KIAA1217: variants seen among roughly 807,000 people sequenced by gnomAD.
KIAA1217 encodes sickle tail protein homolog.
A neutral mutation model predicts 163.9 loss-of-function variants in KIAA1217; 88 were observed. That is an observed-to-expected ratio of 0.54 (90% CI 0.45 to 0.64). The LOEUF (loss-of-function observed/expected upper bound fraction) is 0.64, where lower values mean the gene tolerates loss of function less well. KIAA1217 is among the 30% of genes least tolerant of loss of function. The probability of loss-of-function intolerance (pLI) is 0.00; values close to 1 mark genes in which losing one functional copy is unlikely to be tolerated. For missense variants in KIAA1217, 2,372 were observed against 2,475.0 expected (o/e 0.96, Z 0.88); for synonymous variants, 903 against 923.1 (o/e 0.98, Z 0.39).
intron 1 of KIAA1217, among the ~76,000 whole-genome samples, chr10:23,950,754 T>C (rs1390212322): frequency 1.3e-5 from 2 of 152,140 alleles, no homozygotes; most frequent in Non-Finnish European, 2.9e-5. Flanking sequence ...GGTTTATCAC[T>C]ATCTGAAAAA....
chr10:23,740,758 G>A (rs991328652), intron 1 of KIAA1217, among the ~76,000 whole-genome samples: 1 of 151,460 alleles, frequency 6.6e-6, no homozygotes, highest in African/African-American at 2.4e-5. Flanking sequence ...TAGACCTAAA[G>A]GTTGTATGTA....
chr10:23,992,607 C>CTTTTT (rs368335847), intron 1 of KIAA1217, among the ~76,000 whole-genome samples: 1 of 127,930 alleles, frequency 7.8e-6, no homozygotes, highest in Non-Finnish European at 1.7e-5. Flanking sequence ...GCCATCATTT[C>CTTTTT]TTTTTTTTTT....
chr10:24,408,039 G>A (rs967126227), intron 3 of KIAA1217, among the ~76,000 whole-genome samples: 8 of 152,100 alleles, frequency 5.3e-5, no homozygotes, highest in Non-Finnish European at 7.4e-5. Flanking sequence ...GTGGTTAACA[G>A]CATAGACTCT....
rs1201128266 is a variant in KIAA1217, at chr10:24,524,681, C to A, written c.2815C>A (p.Pro939Thr). The A allele has an allele frequency of 1.2e-6, 2 of 1,614,100 alleles. No homozygotes were observed. Among genetic ancestry groups the A allele is most frequent in the Non-Finnish European group, 1.7e-6 (2 of 1,179,966 alleles). Residue 939 changes from proline (P) to threonine (T), a missense_variant, in exon 13 of 21, where the codon CCC (proline) becomes ACC (threonine). Coordinates refer to ENST00000376454, the MANE Select transcript of KIAA1217 (RefSeq NM_019590.5). The part of the protein sequence containing the change: ...MSQAPQSPQI[P>T]MNGSAMQSLF... Reference sequence around the variant, plus strand: ...GCAGGCTCCGCAGTCCCCACAGATACCCATGAATGGGTCTGCCATGCAGAG... The same window carrying A: ...GCAGGCTCCGCAGTCCCCACAGATAACCATGAATGGGTCTGCCATGCAGAG...
chr10:24,520,080 G>T, intron 10 of KIAA1217, 43 bp from the exon 11 acceptor site: 1 of 1,576,606 alleles, frequency 6.3e-7, no homozygotes, highest in Non-Finnish European at 8.6e-7. Context: ...CCTCTGTGAG[G>T]CCTCGTGTTC....
At chr10:23,801,678 T>G (rs1250229772) in intron 1 of KIAA1217, among the ~76,000 whole-genome samples, 1 of 152,198 alleles carries the variant, frequency 6.6e-6, no homozygotes, top group African/African-American at 2.4e-5. Flanking sequence ...TCTCGTTTAC[T>G]CTGCACAGAC....
intron 2 of KIAA1217, among the ~76,000 whole-genome samples, chr10:24,233,015 C>T (rs1159804382): frequency 6.9e-6 from 1 of 144,212 alleles, no homozygotes; most frequent in Admixed American, 6.9e-5. Flanking sequence ...GTCCCAGATA[C>T]TTAGGAGGCT....
intron 1 of KIAA1217, among the ~76,000 whole-genome samples, chr10:23,827,706 A>G (rs1386937370): frequency 6.6e-6 from 1 of 152,186 alleles, no homozygotes; most frequent in Non-Finnish European, 1.5e-5. Context: ...CAGCCTATTG[A>G]CTAAGTCTTT....
intron 8 of KIAA1217, among the ~76,000 whole-genome samples, chr10:24,498,730 G>A (rs2067134690): frequency 6.6e-6 from 1 of 152,140 alleles, no homozygotes; most frequent in South Asian, 2.1e-4. Context: ...GATGTGGGAG[G>A]ATCACCTGAG....
intron 1 of KIAA1217, among the ~76,000 whole-genome samples, chr10:23,938,610 T>C (rs1413079013): frequency 6.6e-6 from 1 of 152,216 alleles, no homozygotes; most frequent in South Asian, 2.1e-4. Flanking sequence ...GCATAACAAC[T>C]ATTTACAGGG....
chr10:23,855,071 T>G (rs1839578376), intron 1 of KIAA1217, among the ~76,000 whole-genome samples: 1 of 152,188 alleles, frequency 6.6e-6, no homozygotes, highest in Admixed American at 6.5e-5. Context: ...TGTTAGCTGG[T>G]TATTTTGCTC....
intron 3 of KIAA1217, among the ~76,000 whole-genome samples, chr10:24,406,886 C>T (rs1359360763): frequency 6.6e-6 from 1 of 152,214 alleles, no homozygotes; most frequent in African/African-American, 2.4e-5. Context: ...ACAATTGCCA[C>T]TCCTCTGTGT....
At chr10:24,050,509 A>T (rs1238374463) in intron 2 of KIAA1217, among the ~76,000 whole-genome samples, 2 of 152,022 alleles carry the variant, frequency 1.3e-5, no homozygotes, top group Admixed American at 6.5e-5. Flanking sequence ...GTCCAGTTTC[A>T]GTTTTCTGCA....
At chr10:23,996,968 A>G (rs544558901) in intron 1 of KIAA1217, among the ~76,000 whole-genome samples, 10 of 152,202 alleles carry the variant, frequency 6.6e-5, no homozygotes, top group Non-Finnish European at 1.0e-4. Context: ...AAAGGCATAA[A>G]GAGGAGATAC....
At chr10:24,303,706 G>A (rs776459635) in intron 2 of KIAA1217, among the ~76,000 whole-genome samples, 5 of 152,194 alleles carry the variant, frequency 3.3e-5, no homozygotes, top group East Asian at 3.9e-4. Flanking sequence ...CCTGTTGGAC[G>A]TTGAAGGCTG....
At chr10:24,489,730 G>A (rs902324074) in intron 6 of KIAA1217, among the ~76,000 whole-genome samples, 1 of 151,792 alleles carries the variant, frequency 6.6e-6, no homozygotes, top group East Asian at 1.9e-4. Context: ...CAGGCGTGGT[G>A]GTGCATGCCT....
At chr10:24,456,019 G>A (rs570777297) in intron 5 of KIAA1217, among the ~76,000 whole-genome samples, 1 of 152,068 alleles carries the variant, frequency 6.6e-6, no homozygotes, top group Non-Finnish European at 1.5e-5. Context: ...CCAAGTTGCT[G>A]GGACTAAAGG....
intron 2 of KIAA1217, among the ~76,000 whole-genome samples, chr10:24,070,152 AAG>A (rs2061129102): frequency 6.6e-6 from 1 of 152,176 alleles, no homozygotes; most frequent in Non-Finnish European, 1.5e-5. Context: ...AGAAGTATAA[AAG>A]AGGGGTTAAA....
intron 2 of KIAA1217, among the ~76,000 whole-genome samples, chr10:24,222,993 TA>T (rs2069873713): frequency 6.6e-6 from 1 of 152,180 alleles, no homozygotes; most frequent in Admixed American, 6.5e-5. Context: ...ATGGCATTTG[TA>T]AACTGTCATG....
Sources: gnomAD v4.1 joint callset for allele counts (sites outside exome capture counted in the v4.1 genomes callset) on GRCh38, gnomAD v4.1.1 for gene constraint, MANE v1.5 for transcripts, NCBI Gene and HGNC (gene_info 2026-07-23, HGNC 2026-07-21) for gene names.